TENM3: variants seen among roughly 807,000 people sequenced by gnomAD.
TENM3 encodes teneurin transmembrane protein 3, also known as teneurin-3.
Under a neutral mutation model 255.1 loss-of-function variants are expected in TENM3, and 63 were observed. The ratio of observed to expected loss-of-function variants is 0.25; its 90% CI spans 0.20 to 0.30. TENM3 has a LOEUF of 0.30. TENM3 is among the 10% of genes least tolerant of loss of function. The probability of loss-of-function intolerance (pLI) is 1.00; values close to 1 mark genes in which losing one functional copy is unlikely to be tolerated. For synonymous variants in TENM3, 1,306 were observed against 1,322.3 expected (o/e 0.99, Z 0.27); for missense variants, 2,929 against 3,461.1 (o/e 0.85, Z 3.86).
chr4:181,855,181 A>G, the TENM3 span, among the ~76,000 whole-genome samples: 1 of 152,210 alleles, frequency 6.6e-6, no homozygotes, highest in Non-Finnish European at 1.5e-5. Context: ...AAAATTTAAC[A>G]TTTAACTTGT....
At chr4:182,352,058 G>C (rs1188439077) in intron 3 of TENM3, among the ~76,000 whole-genome samples, 1 of 151,894 alleles carries the variant, frequency 6.6e-6, no homozygotes, top group Non-Finnish European at 1.5e-5. Context: ...GTTTGGACTA[G>C]GTAGATATCT....
the TENM3 span, among the ~76,000 whole-genome samples, chr4:181,802,220 T>C: frequency 6.6e-6 from 1 of 152,216 alleles, no homozygotes; most frequent in Admixed American, 6.5e-5. Context: ...ATGGGTACTA[T>C]TATGGCTATT....
chr4:181,500,335 A>G, the TENM3 span, among the ~76,000 whole-genome samples: 2 of 86,096 alleles, frequency 2.3e-5, no homozygotes, highest in African/African-American at 3.6e-5. Context: ...GGCCTTATGG[A>G]AAAAAAAAAA....
chr4:181,918,457 T>G, the TENM3 span, among the ~76,000 whole-genome samples: 5 of 152,154 alleles, frequency 3.3e-5, no homozygotes, highest in Admixed American at 1.3e-4. Flanking sequence ...GGAAGACTAT[T>G]TTTTAAACGA....
intron 3 of TENM3, among the ~76,000 whole-genome samples, chr4:182,542,571 C>G (rs904165042): frequency 6.6e-6 from 1 of 152,044 alleles, no homozygotes; most frequent in Non-Finnish European, 1.5e-5. Context: ...ACTGAGAGCA[C>G]AATTCTTTGG....
intron 3 of TENM3, among the ~76,000 whole-genome samples, chr4:182,448,286 G>A (rs1773099144): frequency 6.6e-6 from 1 of 152,186 alleles, no homozygotes; most frequent in African/African-American, 2.4e-5. Context: ...GCGAGCGCGG[G>A]CTGAGCTGGT....
At chr4:181,884,459 C>T in the TENM3 span, among the ~76,000 whole-genome samples, 1 of 152,098 alleles carries the variant, frequency 6.6e-6, no homozygotes, top group Non-Finnish European at 1.5e-5. Context: ...ACTAACTTCC[C>T]ATTCTCACTG....
At chr4:182,548,129 T>C (rs1406553065) in intron 3 of TENM3, among the ~76,000 whole-genome samples, 1 of 151,888 alleles carries the variant, frequency 6.6e-6, no homozygotes, top group Non-Finnish European at 1.5e-5. Flanking sequence ...GAGGCTCAGG[T>C]GGAAAAGATC....
At chr4:182,395,079 G>A (rs28506922) in intron 3 of TENM3, among the ~76,000 whole-genome samples, 46,186 of 152,020 alleles carry the variant, frequency 0.3, 7,140 homozygotes, top group East Asian at 0.43. Flanking sequence ...GAATGGAGCT[G>A]TGTGCACACA....
rs1763656053 is a variant in TENM3, at chr4:182,765,672, T to TA, written c.4893-7795dup. On this transcript the variant is annotated intron_variant, in intron 22 of 27. Coordinates refer to ENST00000511685, the MANE Select transcript of TENM3 (RefSeq NM_001080477.4). Reference sequence around the variant, plus strand: ...GTCATTGACACTCATGAGATGAAACTAAAAACCTGGGTTCCGGTCGCGATT... The same window carrying TA: ...GTCATTGACACTCATGAGATGAAACTAAAAAACCTGGGTTCCGGTCGCGATT... Among the ~76,000 whole-genome samples, 4 of 152,264 alleles carry TA rather than the reference T, an allele frequency of 2.6e-5. No homozygotes were observed. The South Asian group carries it at 6.2e-4, about 24-fold the overall frequency.
At chr4:181,817,449 G>T in the TENM3 span, among the ~76,000 whole-genome samples, 3 of 152,080 alleles carry the variant, frequency 2.0e-5, no homozygotes, top group African/African-American at 7.2e-5. Context: ...TAGAACTACT[G>T]CCCTACTCCT....
At chr4:182,105,188 C>T in the TENM3 span, among the ~76,000 whole-genome samples, 1 of 152,128 alleles carries the variant, frequency 6.6e-6, no homozygotes, top group Non-Finnish European at 1.5e-5. Context: ...ACTCCAGGCT[C>T]AGCAACAGAG....
At chr4:181,502,728 A>G in the TENM3 span, among the ~76,000 whole-genome samples, 1 of 152,046 alleles carries the variant, frequency 6.6e-6, no homozygotes, top group African/African-American at 2.4e-5. Context: ...GGGAAGAAGG[A>G]GTGTAGCTAA....
the TENM3 span, among the ~76,000 whole-genome samples, chr4:182,131,973 T>G: frequency 1.3e-5 from 2 of 152,164 alleles, no homozygotes; most frequent in African/African-American, 4.8e-5. Flanking sequence ...TCCTGGAAAT[T>G]TTTTATCAGG....
the TENM3 span, among the ~76,000 whole-genome samples, chr4:181,961,980 A>G: frequency 1.3e-5 from 2 of 152,334 alleles, no homozygotes; most frequent in East Asian, 3.9e-4. Flanking sequence ...CTAAGACCCA[A>G]AACAGGTTAG....
intron 1 of TENM3, among the ~76,000 whole-genome samples, chr4:182,306,134 C>A (rs1055639835): frequency 4.6e-5 from 7 of 152,136 alleles, no homozygotes; most frequent in African/African-American, 7.2e-5. Flanking sequence ...AGGGCCCCCT[C>A]CTCTGTCCCG....
At chr4:182,686,721 A>T (rs1176333143) in intron 11 of TENM3, among the ~76,000 whole-genome samples, 2 of 152,148 alleles carry the variant, frequency 1.3e-5, no homozygotes, top group African/African-American at 4.8e-5. Flanking sequence ...TAATAAGTTC[A>T]TTACAAAGAT....
chr4:181,733,965 T>C, the TENM3 span, among the ~76,000 whole-genome samples: 139 of 152,328 alleles, frequency 9.1e-4, 1 homozygote, highest in African/African-American at 3.1e-3. Context: ...CGTTCTATTT[T>C]ATTATTGTAG....
intron 1 of TENM3, among the ~76,000 whole-genome samples, chr4:182,268,041 G>A (rs2150200731): frequency 6.6e-6 from 1 of 152,248 alleles, no homozygotes; most frequent in Non-Finnish European, 1.5e-5. Context: ...CTCATTCTGG[G>A]CGCATTACAA....
Sources: gnomAD v4.1 joint callset for allele counts (sites outside exome capture counted in the v4.1 genomes callset) on GRCh38, gnomAD v4.1.1 for gene constraint, MANE v1.5 for transcripts, NCBI Gene and HGNC (gene_info 2026-07-23, HGNC 2026-07-21) for gene names.